Variants in UNC5D observed in about 807,000 individuals in gnomAD.
The protein encoded by UNC5D is unc-5 netrin receptor D, also known as netrin receptor UNC5D.
In UNC5D, 39 loss-of-function variants were observed where a neutral mutation model predicts 105.4. The ratio of observed to expected loss-of-function variants is 0.37; its 90% CI spans 0.29 to 0.48. The LOEUF (loss-of-function observed/expected upper bound fraction) is 0.48, where lower values mean the gene tolerates loss of function less well. Ranked by LOEUF, UNC5D falls within the 20% of genes least tolerant of loss-of-function variation. The probability of loss-of-function intolerance (pLI) is 0.98; values close to 1 mark genes in which losing one functional copy is unlikely to be tolerated. For synonymous variants in UNC5D, 452 were observed against 450.4 expected, an observed-to-expected ratio of 1.00 and a Z score of -0.04; for missense variants, 991 against 1,202.4, an observed-to-expected ratio of 0.82 and a Z score of 2.60.
In UNC5D at chr8:35,372,147, G is replaced by A. The variant is rs117592392; in HGVS notation, c.103+136260G>A. On this transcript the variant is annotated intron_variant, in intron 1 of 16. Coordinates refer to ENST00000404895, the MANE Select transcript of UNC5D (RefSeq NM_080872.4). ...GTTTAGTTTTCATTTTTTTTGAGAC[G>A]GAGTCTTACTCGGTCACCTAGGCTG... 7.3e-3 allele frequency among the ~76,000 whole-genome samples: 1,103 copies of A among 151,994 alleles called. 8 individuals are homozygous for A. Among genetic ancestry groups the A allele is most frequent in the South Asian group, 0.019 (90 of 4,808 alleles).
At chr8:35,517,461 A>T in intron 1 of UNC5D, among the ~76,000 whole-genome samples, 1 of 152,134 alleles carries the variant, frequency 6.6e-6, no homozygotes, top group East Asian at 1.9e-4. Flanking sequence ...ATGGACCCAT[A>T]ATTAGTAGGG....
chr8:35,238,263 A>G (rs933511547), intron 1 of UNC5D, among the ~76,000 whole-genome samples: 1 of 151,700 alleles, frequency 6.6e-6, no homozygotes, highest in Non-Finnish European at 1.5e-5. Context: ...CTTTCCCTCC[A>G]TACTTATGTA....
intron 1 of UNC5D, among the ~76,000 whole-genome samples, chr8:35,483,259 C>T: frequency 6.6e-6 from 1 of 152,226 alleles, no homozygotes; most frequent in East Asian, 1.9e-4. Flanking sequence ...GCATTGTGGA[C>T]AAATTAGATT....
At chr8:35,238,446 G>A (rs774865234) in intron 1 of UNC5D, among the ~76,000 whole-genome samples, 21 of 152,116 alleles carry the variant, frequency 1.4e-4, no homozygotes, top group African/African-American at 7.2e-5. Context: ...TCTGCCTGTC[G>A]GCATATTGTA....
chr8:35,772,799 TC>T (rs1802066424), intron 15 of UNC5D, among the ~76,000 whole-genome samples: 2 of 21,552 alleles, frequency 9.3e-5, no homozygotes, highest in Non-Finnish European at 1.6e-4. Flanking sequence ...GAGCTCAGAG[TC>T]CTTTTTTTTT....
intron 1 of UNC5D, among the ~76,000 whole-genome samples, chr8:35,314,060 C>A (rs1290100061): frequency 6.6e-6 from 1 of 152,098 alleles, no homozygotes; most frequent in Non-Finnish European, 1.5e-5. Flanking sequence ...TAGATTGTTA[C>A]AATTTCTCTT....
chr8:35,602,640 G>T (rs937285978), intron 4 of UNC5D, among the ~76,000 whole-genome samples: 2 of 152,100 alleles, frequency 1.3e-5, no homozygotes, highest in African/African-American at 2.4e-5. Flanking sequence ...GGGATTGGTG[G>T]TGATATCCCC....
rs144185236 is a variant in UNC5D at position 35,424,167 on chromosome 8, A to G, written c.104-125125A>G. The stretch of plus-strand genomic sequence containing the variant: ...GCTGAATTGTTGTATGGGTAATGAG[A>G]CAATGTATGGGAAAGAAAATTAGAA... On this transcript the variant is annotated intron_variant, in intron 1 of 16. Transcript: ENST00000404895. 3.0e-3 allele frequency among the ~76,000 whole-genome samples: 453 copies of G among 152,274 alleles called. 2 individuals are homozygous for G. Among genetic ancestry groups the G allele is most frequent in the African/African-American group, 0.01 (428 of 41,556 alleles).
At chr8:35,299,304 G>C (rs148923332) in intron 1 of UNC5D, among the ~76,000 whole-genome samples, 1 of 152,180 alleles carries the variant, frequency 6.6e-6, no homozygotes, top group Admixed American at 6.5e-5. Flanking sequence ...GGAATGGCAG[G>C]TCCCCTGATA....
chr8:35,252,252 G>T (rs1563251367), intron 1 of UNC5D, among the ~76,000 whole-genome samples: 1 of 151,896 alleles, frequency 6.6e-6, no homozygotes, highest in African/African-American at 2.4e-5. Context: ...TGTTGCATAT[G>T]AATAAATATA....
intron 1 of UNC5D, among the ~76,000 whole-genome samples, chr8:35,360,990 A>G (rs549622528): frequency 2.6e-5 from 4 of 152,058 alleles, no homozygotes; most frequent in Admixed American, 2.0e-4. Context: ...TAAAATATAT[A>G]TACTCTCAAA....
intron 4 of UNC5D, among the ~76,000 whole-genome samples, chr8:35,654,713 G>GT (rs1446049259): frequency 6.6e-6 from 1 of 151,714 alleles, no homozygotes; most frequent in East Asian, 1.9e-4. Context: ...ATTATATCAT[G>GT]TTTTCAGAAC....
chr8:35,506,728 T>C (rs1812328261), intron 1 of UNC5D, among the ~76,000 whole-genome samples: 1 of 152,134 alleles, frequency 6.6e-6, no homozygotes, highest in Non-Finnish European at 1.5e-5. Flanking sequence ...TGAATACTTT[T>C]AGGGAATGTA....
intron 11 of UNC5D, among the ~76,000 whole-genome samples, chr8:35,742,190 G>T (rs12541844): frequency 0.13 from 19,623 of 151,642 alleles, 2,906 homozygotes; most frequent in African/African-American, 0.36. Context: ...ATGATGTCAT[G>T]TCCCTGGGAC....
chr8:35,763,418 A>C (rs1801630075), intron 14 of UNC5D, among the ~76,000 whole-genome samples: 1 of 149,148 alleles, frequency 6.7e-6, no homozygotes, highest in African/African-American at 2.5e-5. Context: ...ACCAGAGAAG[A>C]TACTCATTTT....
intron 4 of UNC5D, among the ~76,000 whole-genome samples, chr8:35,636,198 G>A (rs949434549): frequency 6.6e-6 from 1 of 152,182 alleles, no homozygotes; most frequent in African/African-American, 2.4e-5. Flanking sequence ...ATTTCATAGA[G>A]CAAGGAAAGA....
At chr8:35,696,878 T>C (rs1826819318) in intron 7 of UNC5D, among the ~76,000 whole-genome samples, 1 of 152,076 alleles carries the variant, frequency 6.6e-6, no homozygotes, top group Non-Finnish European at 1.5e-5. Flanking sequence ...CAGGACAGTG[T>C]TAGTGTTCAG....
At chr8:35,239,684 C>G (rs1802683535) in intron 1 of UNC5D, among the ~76,000 whole-genome samples, 1 of 152,026 alleles carries the variant, frequency 6.6e-6, no homozygotes, top group Non-Finnish European at 1.5e-5. Flanking sequence ...TACACCTTTG[C>G]CATTAATGCT....
intron 1 of UNC5D, among the ~76,000 whole-genome samples, chr8:35,346,388 C>A (rs1174568573): frequency 5.3e-5 from 8 of 151,974 alleles, no homozygotes; most frequent in Non-Finnish European, 1.2e-4. Context: ...ATACATGGAA[C>A]TTCAGAGTCT....
Sources: gnomAD v4.1 joint callset for allele counts (sites outside exome capture counted in the v4.1 genomes callset) on GRCh38, gnomAD v4.1.1 for gene constraint, MANE v1.5 for transcripts, NCBI Gene and HGNC (gene_info 2026-07-23, HGNC 2026-07-21) for gene names.